The following CYP19A1 variants were observed in gnomAD, a reference collection of about 807,000 sequenced individuals.
CYP19A1 encodes the protein cytochrome P450 family 19 subfamily A member 1.
CYP19A1 carries 32 observed loss-of-function variants against 44.4 expected under a neutral mutation model. The observed-to-expected ratio is 0.72, with a 90% CI of 0.54 to 0.97. The LOEUF (loss-of-function observed/expected upper bound fraction) is 0.97, where lower values mean the gene tolerates loss of function less well. Ranked by LOEUF, CYP19A1 falls within the 50% of genes least tolerant of loss-of-function variation. The probability of loss-of-function intolerance (pLI) is 0.00; values close to 1 mark genes in which losing one functional copy is unlikely to be tolerated. For synonymous variants in CYP19A1, 212 were observed against 215.6 expected (o/e 0.98, Z 0.14); for missense variants, 598 against 637.8 (o/e 0.94, Z 0.67).
intron 2 of CYP19A1, among the ~76,000 whole-genome samples, chr15:51,237,257 T>G (rs2033465916): frequency 6.6e-6 from 1 of 152,204 alleles, no homozygotes; most frequent in Non-Finnish European, 1.5e-5. Flanking sequence ...TTTTATTTGG[T>G]CTCAATCATT....
Position 51,218,584 on chromosome 15 carries a change from A to T in CYP19A1, c.700T>A (p.Phe234Ile). The T allele has an allele frequency of 6.2e-7, 1 of 1,613,896 alleles. No individual in the cohort carries two copies. Among genetic ancestry groups the T allele is most frequent in the Middle Eastern group, 1.7e-4 (1 of 6,060 alleles). The change falls in exon 6 of 10, where the codon TTC (phenylalanine) becomes ATC (isoleucine). Residue 234 changes from phenylalanine (F) to isoleucine (I), a missense_variant. Transcript: ENST00000396402. ...TTGTATAGCCAAGAAATCTTAAAGAAGATGTCTGGTTTGATGAGGAGAGCT... is the reference window on the plus strand; with the variant it reads ...TTGTATAGCCAAGAAATCTTAAAGATGATGTCTGGTTTGATGAGGAGAGCT... ...WQALLIKPDIFFKISWLYKKY... is the reference protein window; with the variant it reads ...WQALLIKPDIIFKISWLYKKY...
Position 51,306,410 on chromosome 15 carries a change from T to G in CYP19A1, c.-39+32085A>C, listed in dbSNP as rs1001460934. 4.0e-5 allele frequency among the ~76,000 whole-genome samples: 6 copies of G among 151,792 alleles called. No homozygotes were observed. In the East Asian group the frequency reaches 1.2e-3, roughly 29 times the overall value. ...GCAGTTTTTGTTTTTTTGTTTTTTG[T>G]TTTTTTTCTAAAAACTAGTGAATCA... On this transcript the variant is annotated intron_variant, in intron 1 of 9. Transcript: ENST00000396402.
intron 1 of CYP19A1, among the ~76,000 whole-genome samples, chr15:51,248,902 T>C (rs1399530222): frequency 6.6e-6 from 1 of 152,086 alleles, no homozygotes; most frequent in Admixed American, 6.6e-5. Flanking sequence ...CTTTCTTTGC[T>C]TCCAGTTGTC....
intron 1 of CYP19A1, among the ~76,000 whole-genome samples, chr15:51,301,404 C>A (rs772730062): frequency 6.6e-6 from 1 of 152,206 alleles, no homozygotes; most frequent in African/African-American, 2.4e-5. Flanking sequence ...CAGAGGCAGG[C>A]TTCATCTCAT....
At chr15:51,226,216 G>A (rs1036029198) in intron 4 of CYP19A1, among the ~76,000 whole-genome samples, 2 of 151,706 alleles carry the variant, frequency 1.3e-5, no homozygotes, top group Non-Finnish European at 2.9e-5. Flanking sequence ...ACCCACTGTT[G>A]ATGGCTTTGA....
At chr15:51,302,594 A>G (rs949653026) in intron 1 of CYP19A1, among the ~76,000 whole-genome samples, 3 of 152,096 alleles carry the variant, frequency 2.0e-5, no homozygotes, top group African/African-American at 7.2e-5. Context: ...TCAGCCTTTT[A>G]CCCTTCTCTG....
intron 1 of CYP19A1, among the ~76,000 whole-genome samples, chr15:51,255,919 T>TATCCTGAAAATGATGGCCCC (rs2034496149): frequency 6.6e-6 from 1 of 152,240 alleles, no homozygotes; most frequent in Non-Finnish European, 1.5e-5. Context: ...CTGTGGGAAC[T>TATCCTGAAAATGATGGCCCC]ATCCTGAAAA....
intron 1 of CYP19A1, among the ~76,000 whole-genome samples, chr15:51,300,046 G>A (rs1021804214): frequency 7.2e-5 from 11 of 152,338 alleles, no homozygotes; most frequent in African/African-American, 2.6e-4. Context: ...GAGTGAAACG[G>A]CAACCGGTAG....
chr15:51,211,242 C>T (rs564736713), intron 9 of CYP19A1, among the ~76,000 whole-genome samples, 186 bp from the exon 10 acceptor site: 2 of 152,186 alleles, frequency 1.3e-5, no homozygotes, highest in Admixed American at 6.5e-5. Context: ...TCATTCACCC[C>T]CTGTGTTCTG....
Position 51,215,245 on chromosome 15 carries a change from A to C in CYP19A1, c.859-13T>G. ...GGTCACCACGTTTCTGAACAATTGG[A>C]AGATGGGAAAAATTTGGAAAAGTGA... On this transcript the variant is annotated splice_polypyrimidine_tract_variant and intron_variant, in intron 7 of 9. Coordinates refer to ENST00000396402, the MANE Select transcript of CYP19A1 (RefSeq NM_000103.4). 6.2e-7 allele frequency: 1 copy of C among 1,614,016 alleles called. No individual in the cohort carries two copies. Among genetic ancestry groups the C allele is most frequent in the Non-Finnish European group, 8.5e-7 (1 of 1,179,944 alleles).
chr15:51,335,224 G>A (rs553248752), intron 1 of CYP19A1, among the ~76,000 whole-genome samples: 1 of 152,282 alleles, frequency 6.6e-6, no homozygotes, highest in South Asian at 2.1e-4. Context: ...GGGAAGTGGG[G>A]ATTTGAAATG....
At position 51,212,271 on chromosome 15, in the gene CYP19A1, G is replaced by A. The variant is rs187886136; in HGVS notation, c.1263+49C>T. The A allele has an allele frequency of 3.6e-5, 47 of 1,312,296 alleles. No homozygotes were observed. The African/African-American group carries it at 6.7e-4, about 19-fold the overall frequency. 81.3% of individuals were successfully genotyped at this position (1,312,296 alleles called of 1,614,324 possible). A position where few individuals can be genotyped will look rare whatever the true frequency, so the allele number is the denominator to read the frequency against. On this transcript the variant is annotated intron_variant, in intron 9 of 9. Transcript: ENST00000396402. ...ACAAAGAACCAGAGAGGATTTAACA[G>A]TTGACATTTTCAAGAGTGGCACACT...
At chr15:51,243,804 T>G (rs562891579) in intron 1 of CYP19A1, among the ~76,000 whole-genome samples, 8 of 152,256 alleles carry the variant, frequency 5.3e-5, no homozygotes, top group Non-Finnish European at 8.8e-5. Context: ...CAGTCTGATG[T>G]GCTGGTTCTG....
chr15:51,267,921 G>A (rs1206142060), intron 1 of CYP19A1, among the ~76,000 whole-genome samples: 2 of 152,174 alleles, frequency 1.3e-5, no homozygotes, highest in East Asian at 3.9e-4. Context: ...GTTGGCACTA[G>A]GCATTGCTCC....
At chr15:51,280,550 C>T (rs1232380096) in intron 1 of CYP19A1, among the ~76,000 whole-genome samples, 1 of 152,140 alleles carries the variant, frequency 6.6e-6, no homozygotes, top group African/African-American at 2.4e-5. Context: ...CCACTTCCTA[C>T]CTATCAGGAG....
chr15:51,278,627 G>A (rs541478068), intron 1 of CYP19A1, among the ~76,000 whole-genome samples: 2 of 152,222 alleles, frequency 1.3e-5, no homozygotes, highest in East Asian at 1.9e-4. Context: ...AGTGATCTTA[G>A]CCTTTAGCCA....
At chr15:51,278,792 G>A (rs761259946) in intron 1 of CYP19A1, 1 of 152,184 alleles carries the variant, frequency 6.6e-6, no homozygotes, top group Admixed American at 6.5e-5. Context: ...AATCGGTTAA[G>A]TAAGGTAAGG....
rs28757188 is a variant in CYP19A1, at chr15:51,219,660, G to A, written c.629-1005C>T. Among the ~76,000 whole-genome samples, 575 of 152,302 alleles carry A rather than the reference G, an allele frequency of 3.8e-3. 3 individuals are homozygous for A. The highest frequency in any genetic ancestry group is 0.013 in the African/African-American group (556 of 41,568). ...ACTGGGTCCCTTAGGCAAATTGAGA[G>A]TTTAACAAGGATCCCTGTGAAAAGG... On this transcript the variant is annotated intron_variant, in intron 5 of 9. Coordinates refer to ENST00000396402, the MANE Select transcript of CYP19A1 (RefSeq NM_000103.4).
rs1445660289 is a variant in CYP19A1, at chr15:51,211,045, C to T, written c.1275G>A (p.Arg425=). ...LENFAKNVPY[R]YFQPFGFGPR... ...GCCCAAAGCCAAATGGCTGAAAGTA[C>T]CTATAAGGAACCTATGAAAATGATC... The change falls in exon 10 of 10, where the codon AGG becomes AGA. Residue 425 remains arginine (R), a synonymous_variant. Coordinates refer to ENST00000396402, the MANE Select transcript of CYP19A1 (RefSeq NM_000103.4). 1 of 1,583,918 alleles carries T rather than the reference C, an allele frequency of 6.3e-7. No homozygotes were observed. Among genetic ancestry groups the T allele is most frequent in the South Asian group, 1.1e-5 (1 of 90,462 alleles).
Sources: allele counts gnomAD v4.1 joint callset (sites outside exome capture counted in the v4.1 genomes callset), GRCh38; gene constraint gnomAD v4.1.1; transcripts MANE v1.5; gene names NCBI Gene and HGNC (gene_info 2026-07-23, HGNC 2026-07-21).